EXOC6B: variants seen among roughly 807,000 people sequenced by gnomAD.
EXOC6B encodes exocyst complex component 6B.
In EXOC6B, 54 loss-of-function variants were observed where a neutral mutation model predicts 113.5. The ratio of observed to expected loss-of-function variants is 0.48; its 90% CI spans 0.38 to 0.60. The LOEUF is 0.60. Among genes scored for constraint, EXOC6B ranks in the 20% least tolerant of loss-of-function variants. The probability of loss-of-function intolerance (pLI) is 0.00; values close to 1 mark genes in which losing one functional copy is unlikely to be tolerated. For synonymous variants in EXOC6B, 357 were observed against 339.0 expected (o/e 1.05, Z -0.58); for missense variants, 797 against 977.5 (o/e 0.82, Z 2.46).
At chr2:72,485,101 C>A (rs1699347927) in intron 16 of EXOC6B, among the ~76,000 whole-genome samples, 1 of 152,148 alleles carries the variant, frequency 6.6e-6, no homozygotes, top group Admixed American at 6.5e-5. Context: ...TAAAAGCATT[C>A]CTATTTCTTG....
chr2:72,233,424 C>T (rs1453775874), intron 20 of EXOC6B, among the ~76,000 whole-genome samples: 1 of 151,994 alleles, frequency 6.6e-6, no homozygotes, highest in Admixed American at 6.6e-5. Context: ...CTGTGGGGAG[C>T]CAGGAAAACC....
intron 6 of EXOC6B, among the ~76,000 whole-genome samples, chr2:72,633,956 T>A (rs1672654619): frequency 6.6e-6 from 1 of 152,132 alleles, no homozygotes; most frequent in South Asian, 2.1e-4. Flanking sequence ...GAAAGCTCCC[T>A]TTGGAAACAT....
At chr2:72,273,781 AC>A (rs372415527) in intron 20 of EXOC6B, among the ~76,000 whole-genome samples, 4 of 152,180 alleles carry the variant, frequency 2.6e-5, no homozygotes, top group African/African-American at 9.6e-5. Context: ...GAGGTGATAG[AC>A]CTTGAAGAGT....
chr2:72,372,974 A>C (rs954172402), intron 19 of EXOC6B, among the ~76,000 whole-genome samples: 2 of 152,168 alleles, frequency 1.3e-5, no homozygotes, highest in African/African-American at 2.4e-5. Flanking sequence ...AATCAAAATG[A>C]ATTAAAGACT....
intron 6 of EXOC6B, among the ~76,000 whole-genome samples, chr2:72,668,446 C>CA (rs112001284): frequency 0.076 from 10,478 of 137,544 alleles, 1,173 homozygotes; most frequent in African/African-American, 0.25. Context: ...ATTGTTCTAC[C>CA]AAAAAAAAAA....
intron 18 of EXOC6B, among the ~76,000 whole-genome samples, chr2:72,399,559 C>T (rs549655833): frequency 2.0e-5 from 3 of 152,206 alleles, no homozygotes; most frequent in Non-Finnish European, 2.9e-5. Context: ...CAATACCAAA[C>T]GATTCTGGGA....
chr2:72,693,843 T>C (rs1340291458), intron 6 of EXOC6B, among the ~76,000 whole-genome samples: 3 of 151,832 alleles, frequency 2.0e-5, no homozygotes, highest in Admixed American at 6.6e-5. Flanking sequence ...CTTCCTTTTT[T>C]CTTTTTTTTT....
chr2:72,731,377 CT>C, intron 3 of EXOC6B, 132 bp from the exon 4 acceptor site: 1 of 674,004 alleles, frequency 1.5e-6, no homozygotes, highest in Non-Finnish European at 2.6e-6. Flanking sequence ...GCCAAGTGAA[CT>C]AAGGAACTGC....
At chr2:72,367,892 A>T (rs1273942450) in intron 19 of EXOC6B, among the ~76,000 whole-genome samples, 1 of 152,180 alleles carries the variant, frequency 6.6e-6, no homozygotes, top group East Asian at 1.9e-4. Context: ...AGAGGTCAGA[A>T]CTTGAGCTCT....
Position 72,596,276 on chromosome 2 carries a change from TAGAG to T in EXOC6B, c.670-20612_670-20609del, listed in dbSNP as rs559961115. Among the ~76,000 whole-genome samples the T allele has an allele frequency of 3.7e-4, 57 of 152,190 alleles. No individual in the cohort carries two copies. In the South Asian group the frequency reaches 0.01, roughly 28 times the overall value. On this transcript the variant is annotated intron_variant, in intron 6 of 21. Coordinates refer to ENST00000272427, the MANE Select transcript of EXOC6B (RefSeq NM_015189.3). ...CAAGACAAGATGCTTCCCAGAAAAT[TAGAG>T]AGACAGGTGAATACAGAGAAATCAC...
intron 1 of EXOC6B, among the ~76,000 whole-genome samples, chr2:72,749,050 T>G (rs1436224473): frequency 7.9e-5 from 12 of 152,158 alleles, no homozygotes; most frequent in Admixed American, 7.9e-4. Flanking sequence ...CACTTTGTCC[T>G]TTGTATCTAT....
intron 1 of EXOC6B, among the ~76,000 whole-genome samples, chr2:72,750,389 C>T (rs1403617660): frequency 2.0e-5 from 3 of 152,004 alleles, no homozygotes; most frequent in African/African-American, 4.8e-5. Context: ...TCCTAATCAC[C>T]TCTAACCACC....
intron 8 of EXOC6B, among the ~76,000 whole-genome samples, chr2:72,545,964 C>T (rs1308510676): frequency 6.6e-6 from 1 of 152,140 alleles, no homozygotes; most frequent in African/African-American, 2.4e-5. Flanking sequence ...TTCCTTTTTC[C>T]ACTCTCCTAA....
intron 1 of EXOC6B, among the ~76,000 whole-genome samples, chr2:72,767,158 G>A (rs937654646): frequency 7.9e-5 from 12 of 152,018 alleles, no homozygotes; most frequent in South Asian, 4.2e-4. Context: ...GGCCGAGTGC[G>A]GGGGCTCACG....
intron 19 of EXOC6B, among the ~76,000 whole-genome samples, chr2:72,346,543 A>T (rs1689349158): frequency 6.6e-6 from 1 of 152,162 alleles, no homozygotes; most frequent in African/African-American, 2.4e-5. Context: ...AGGTAAACTA[A>T]AAAACAATTT....
At chr2:72,407,211 A>G (rs1034305644) in intron 18 of EXOC6B, among the ~76,000 whole-genome samples, 1 of 152,194 alleles carries the variant, frequency 6.6e-6, no homozygotes, top group Non-Finnish European at 1.5e-5. Context: ...TCTGAAATTG[A>G]GGCAATAATT....
intron 20 of EXOC6B, among the ~76,000 whole-genome samples, chr2:72,201,794 CTGCTT>C (rs1679510015): frequency 6.6e-6 from 1 of 152,200 alleles, no homozygotes; most frequent in South Asian, 2.1e-4. Context: ...GGAACAGGCT[CTGCTT>C]CCATAGTTAT....
At chr2:72,215,123 G>C (rs1236056897) in intron 20 of EXOC6B, among the ~76,000 whole-genome samples, 1 of 152,182 alleles carries the variant, frequency 6.6e-6, no homozygotes, top group Admixed American at 6.5e-5. Context: ...TGGTGAGAGG[G>C]CCAAATAATC....
Position 72,379,737 on chromosome 2 carries a change from T to G in EXOC6B, c.2114A>C (p.Glu705Ala), listed in dbSNP as rs1572997536. ...ALQQFNLDVR[E>A]CEQFARSGPV... ...GATGGTCACTGTCTTACGTTCACAT[T>G]CTCTGACGTCCAAGTTGAACTGCTG... The change falls in exon 19 of 22, where the codon GAA (glutamate) becomes GCA (alanine). Residue 705 changes from glutamate (E) to alanine (A), a missense_variant. Glu to Ala is a moderately radical substitution (Grantham distance 107, BLOSUM62 -1). Transcript: ENST00000272427. The G allele has an allele frequency of 6.2e-7, 1 of 1,610,762 alleles. No individual in the cohort carries two copies. The highest frequency in any genetic ancestry group is 1.1e-5 in the South Asian group (1 of 90,346).
Sources: gnomAD v4.1 joint callset for allele counts (sites outside exome capture counted in the v4.1 genomes callset) on GRCh38, gnomAD v4.1.1 for gene constraint, MANE v1.5 for transcripts, NCBI Gene and HGNC (gene_info 2026-07-23, HGNC 2026-07-21) for gene names.